Variants in CBLN2 observed in about 807,000 individuals in gnomAD.
The protein encoded by CBLN2 is cerebellin 2 precursor.
Under a neutral mutation model 15.0 loss-of-function variants are expected in CBLN2, and 7 were observed. The observed-to-expected ratio is 0.47, with a 90% CI of 0.27 to 0.88. CBLN2 has a LOEUF of 0.88. CBLN2 is among the 40% of genes least tolerant of loss of function. The pLI is 0.14. For missense variants in CBLN2, 242 were observed against 304.5 expected (o/e 0.79, Z 1.53); for synonymous variants, 149 against 135.2 (o/e 1.10, Z -0.71).
At position 72,538,003 on chromosome 18, in the gene CBLN2, T is replaced by C; in HGVS notation, c.*173A>G. 1.5e-6 allele frequency: 1 copy of C among 646,502 alleles called. No homozygotes were observed. The highest frequency in any genetic ancestry group is 1.8e-5 in the African/African-American group (1 of 54,616). 40.0% of individuals were successfully genotyped at this position (646,502 alleles called of 1,614,324 possible). A position where few individuals can be genotyped will look rare whatever the true frequency, so the allele number is the denominator to read the frequency against. ...CAGGTTCCCGAGGAATTGTCAGTATTCCAAAAAACAAAAACAAAAGTACTG... is the reference window on the plus strand; with the variant it reads ...CAGGTTCCCGAGGAATTGTCAGTATCCCAAAAAACAAAAACAAAAGTACTG... On this transcript the variant is annotated 3_prime_UTR_variant, in exon 5 of 5. Coordinates refer to ENST00000269503, the MANE Select transcript of CBLN2 (RefSeq NM_182511.4).
At chr18:72,632,736 A>G (rs891357807) in intron 1 of CBLN2, among the ~76,000 whole-genome samples, 15 of 152,158 alleles carry the variant, frequency 9.9e-5, no homozygotes, top group Non-Finnish European at 4.4e-5. Context: ...TTATTTATAG[A>G]CTGGTATTCA....
At chr18:72,606,683 G>A (rs770700891) in intron 1 of CBLN2, among the ~76,000 whole-genome samples, 2 of 152,178 alleles carry the variant, frequency 1.3e-5, no homozygotes, top group Non-Finnish European at 2.9e-5. Flanking sequence ...AAGAAACAGG[G>A]CACAACAGAA....
intron 1 of CBLN2, chr18:72,618,296 C>T (rs574839931): frequency 1.4e-5 from 6 of 419,700 alleles, no homozygotes; most frequent in Admixed American, 7.0e-5. Flanking sequence ...CTAAAGAGCC[C>T]GATTAGCTGC....
chr18:72,545,240 G>A (rs1034838168), upstream of CBLN2, among the ~76,000 whole-genome samples: 6 of 152,182 alleles, frequency 3.9e-5, no homozygotes, highest in Non-Finnish European at 8.8e-5. Flanking sequence ...TGAAATTCAC[G>A]ATCAGTTCAA....
Position 72,538,148 on chromosome 18 carries a change from T to C in CBLN2, c.*28A>G. ...GCGGAGTCCTGGGTCCAGTTTGCCA[T>C]TCCCCCACCATCTAGGGGGCTCTGT... On this transcript the variant is annotated 3_prime_UTR_variant, in exon 5 of 5. Coordinates refer to ENST00000269503, the MANE Select transcript of CBLN2 (RefSeq NM_182511.4). The C allele has an allele frequency of 1.2e-6, 2 of 1,611,918 alleles. No homozygotes were observed. Among genetic ancestry groups the C allele is most frequent in the South Asian group, 2.2e-5 (2 of 91,042 alleles).
chr18:72,633,784 C>T (rs878858033), intron 1 of CBLN2, among the ~76,000 whole-genome samples: 1 of 152,102 alleles, frequency 6.6e-6, no homozygotes, highest in Non-Finnish European at 1.5e-5. Context: ...ATTTTATAAA[C>T]ATGCATCTGA....
chr18:72,541,910 A>T lies in CBLN2; in HGVS notation c.251T>A (p.Ile84Asn), dbSNP rs995496005. ...CTTGGCGCTGCCGGAGCGCACGGAG[A>T]TGCCTAGGGAGGAGGTGACGGCGCC... ...ADGAVTSSLG[I>N]SVRSGSAKVA... is the part of the protein sequence containing the mutation. Residue 84 changes from isoleucine to asparagine, a missense_variant, in exon 3 of 5, where the codon ATC becomes AAC. Ile to Asn is a moderately radical substitution (Grantham distance 149, BLOSUM62 -3). Coordinates refer to ENST00000269503, the MANE Select transcript of CBLN2 (RefSeq NM_182511.4). 1 of 1,608,152 alleles carries T rather than the reference A, an allele frequency of 6.2e-7. No individual in the cohort carries two copies. Among genetic ancestry groups the T allele is most frequent in the Non-Finnish European group, 8.5e-7 (1 of 1,179,270 alleles).
intron 1 of CBLN2, among the ~76,000 whole-genome samples, chr18:72,582,660 T>C (rs2069413805): frequency 1.3e-5 from 2 of 152,106 alleles, no homozygotes; most frequent in Admixed American, 1.3e-4. Flanking sequence ...TAATTGCATA[T>C]AATATGTGCA....
At chr18:72,615,233 T>TG (rs1307008815) in intron 1 of CBLN2, among the ~76,000 whole-genome samples, 1 of 134,242 alleles carries the variant, frequency 7.4e-6, no homozygotes, top group African/African-American at 2.7e-5. Context: ...TACATATATA[T>TG]TATATATATA....
At chr18:72,538,855 A>C in intron 3 of CBLN2, 83 bp from the exon 4 acceptor site, 1 of 1,537,682 alleles carries the variant, frequency 6.5e-7, no homozygotes, top group Non-Finnish European at 8.8e-7. Context: ...AACCAGCAAC[A>C]CTGCCTCCTT....
chr18:72,548,484 G>T (rs1284075967), upstream of CBLN2, among the ~76,000 whole-genome samples: 1 of 152,148 alleles, frequency 6.6e-6, no homozygotes, highest in Non-Finnish European at 1.5e-5. Flanking sequence ...CTACTATAAG[G>T]CTAGTGTTTC....
chr18:72,612,210 T>C (rs2069627005), intron 1 of CBLN2, among the ~76,000 whole-genome samples: 1 of 152,178 alleles, frequency 6.6e-6, no homozygotes, highest in Non-Finnish European at 1.5e-5. Flanking sequence ...TTAGGATCAC[T>C]TTGGCTAGTC....
intron 1 of CBLN2, among the ~76,000 whole-genome samples, chr18:72,603,400 A>G (rs1011249450): frequency 1.3e-5 from 2 of 152,204 alleles, no homozygotes; most frequent in Non-Finnish European, 1.5e-5. Flanking sequence ...CTCCTAACAA[A>G]GGATTCAGAG....
intron 1 of CBLN2, among the ~76,000 whole-genome samples, chr18:72,554,340 T>C (rs529524431): frequency 4.6e-5 from 7 of 152,228 alleles, no homozygotes; most frequent in African/African-American, 1.2e-4. Flanking sequence ...AACCGGCCTT[T>C]TAAATTTCTG....
chr18:72,618,548 C>A (rs2069678329), intron 1 of CBLN2: 2 of 741,002 alleles, frequency 2.7e-6, no homozygotes, highest in South Asian at 2.7e-5. Flanking sequence ...AGAAAAGTTT[C>A]TCAAAGACCA....
At chr18:72,593,744 T>C (rs893795035) in intron 1 of CBLN2, among the ~76,000 whole-genome samples, 1 of 152,172 alleles carries the variant, frequency 6.6e-6, no homozygotes, top group Admixed American at 6.6e-5. Flanking sequence ...TCAAATTTTT[T>C]AGCATCAATT....
intron 3 of CBLN2, among the ~76,000 whole-genome samples, chr18:72,541,516 A>G (rs1286981863): frequency 1.3e-5 from 2 of 152,204 alleles, no homozygotes; most frequent in Non-Finnish European, 2.9e-5. Context: ...CATATTTCAA[A>G]TCTTTAGGTT....
At chr18:72,592,948 C>T (rs750688348) in intron 1 of CBLN2, among the ~76,000 whole-genome samples, 5 of 151,924 alleles carry the variant, frequency 3.3e-5, no homozygotes, top group Admixed American at 6.6e-5. Context: ...ATACTTTTTG[C>T]TCAGGATGAC....
At chr18:72,568,293 A>G (rs1161103629) in intron 1 of CBLN2, among the ~76,000 whole-genome samples, 1 of 152,148 alleles carries the variant, frequency 6.6e-6, no homozygotes, top group African/African-American at 2.4e-5. Context: ...TCATAAAACT[A>G]TGGAGACCCT....
Sources: gnomAD v4.1 joint callset for allele counts (sites outside exome capture counted in the v4.1 genomes callset) on GRCh38, gnomAD v4.1.1 for gene constraint, MANE v1.5 for transcripts, NCBI Gene and HGNC (gene_info 2026-07-23, HGNC 2026-07-21) for gene names.